SORCS1: variants seen among roughly 807,000 people sequenced by gnomAD.
SORCS1 encodes the protein VPS10 domain-containing receptor SorCS1.
In SORCS1, 60 loss-of-function variants were observed where a neutral mutation model predicts 146.1. The observed-to-expected ratio is 0.41, with a 90% CI of 0.33 to 0.51. SORCS1 has a LOEUF of 0.51. SORCS1 is among the 20% of genes least tolerant of loss of function. SORCS1 has a pLI of 0.21. For synonymous variants in SORCS1, 637 were observed against 584.0 expected (o/e 1.09, Z -1.31); for missense variants, 1,352 against 1,487.6 (o/e 0.91, Z 1.50).
At chr10:106,726,427 T>G (rs1856197422) in intron 6 of SORCS1, among the ~76,000 whole-genome samples, 1 of 150,536 alleles carries the variant, frequency 6.6e-6, no homozygotes, top group African/African-American at 2.5e-5. Context: ...ATTTCATGCT[T>G]TGTGAAAGCT....
chr10:106,962,769 T>C (rs1294019407), intron 1 of SORCS1, among the ~76,000 whole-genome samples: 1 of 152,174 alleles, frequency 6.6e-6, no homozygotes, highest in East Asian at 1.9e-4. Context: ...ATGGTCATAA[T>C]TGCTCTTGCC....
rs79353153 is a variant in SORCS1, at chr10:106,764,103, C to T, written c.886-2442G>A. ...GCTTCCATGGATTTATAACTAGAGG[C>T]GTATACCTAAAAAACAAATAAAACA... is the stretch of plus-strand genomic sequence containing the variant. On this transcript the variant is annotated intron_variant, in intron 4 of 25. Transcript: ENST00000263054. 9.2e-3 allele frequency among the ~76,000 whole-genome samples: 1,401 copies of T among 152,136 alleles called. 22 individuals carry two copies. The highest frequency in any genetic ancestry group is 0.032 in the African/African-American group (1,330 of 41,522).
chr10:106,758,580 C>T (rs1858837527), intron 5 of SORCS1, among the ~76,000 whole-genome samples: 1 of 152,172 alleles, frequency 6.6e-6, no homozygotes, highest in Non-Finnish European at 1.5e-5. Context: ...CCTTCATTTG[C>T]TTACTTTCTG....
chr10:106,998,130 T>G (rs1400374286), intron 1 of SORCS1, among the ~76,000 whole-genome samples: 1 of 152,260 alleles, frequency 6.6e-6, no homozygotes, highest in East Asian at 1.9e-4. Context: ...AAACATATTC[T>G]AATACATACA....
At chr10:106,598,692 A>AT (rs961616871) in intron 23 of SORCS1, among the ~76,000 whole-genome samples, 3 of 151,482 alleles carry the variant, frequency 2.0e-5, no homozygotes, top group Admixed American at 6.6e-5. Flanking sequence ...TAAATTCTTA[A>AT]TTTTTTTTTC....
At chr10:106,780,857 C>G (rs1035767925) in intron 3 of SORCS1, among the ~76,000 whole-genome samples, 4 of 152,154 alleles carry the variant, frequency 2.6e-5, no homozygotes, top group African/African-American at 9.7e-5. Flanking sequence ...ATCCTACCAC[C>G]CAACTCCAAG....
intron 2 of SORCS1, among the ~76,000 whole-genome samples, chr10:106,854,089 T>C (rs1412045820): frequency 2.0e-5 from 3 of 152,012 alleles, no homozygotes; most frequent in East Asian, 1.9e-4. Flanking sequence ...TCTTTACACT[T>C]GCAGTTCTAA....
At chr10:107,178,089 A>C in the SORCS1 span, among the ~76,000 whole-genome samples, 3 of 152,200 alleles carry the variant, frequency 2.0e-5, no homozygotes, top group Non-Finnish European at 4.4e-5. Context: ...TCTCTGCAGC[A>C]AATCACCATA....
At chr10:106,622,376 G>GACAGAA (rs1156965736) in intron 19 of SORCS1, among the ~76,000 whole-genome samples, 1 of 150,424 alleles carries the variant, frequency 6.6e-6, no homozygotes, top group African/African-American at 2.4e-5. Context: ...AAATTTGTGA[G>GACAGAA]ACAGAAGACA....
rs1027387698 is a variant in SORCS1, at chr10:106,795,935, G to C, written c.727-19243C>G. Among the ~76,000 whole-genome samples the C allele has an allele frequency of 5.3e-5, 8 of 152,298 alleles. No homozygotes were observed. The South Asian group carries it at 6.2e-4, about 12-fold the overall frequency. On this transcript the variant is annotated intron_variant, in intron 3 of 25. Transcript: ENST00000263054. ...ATCATGGTCAAATGCTGAGTTAGAA[G>C]AGAAAGTTTCTAGTGATCTTCCAGT...
In SORCS1 at chr10:106,848,996, T is replaced by C. The variant is rs950387871; in HGVS notation, c.627-19323A>G. 3.0e-4 allele frequency among the ~76,000 whole-genome samples: 45 copies of C among 151,270 alleles called. 1 individual carries two copies. The East Asian group carries it at 6.3e-3, about 21-fold the overall frequency. ...GCTTCCCTTTGAGGGTAACCCGACC[T>C]TTCTCTCTGACTGCCCTTAACATTT... On this transcript the variant is annotated intron_variant, in intron 2 of 25. Transcript: ENST00000263054.
intron 1 of SORCS1, among the ~76,000 whole-genome samples, chr10:107,005,398 T>C (rs1957400658): frequency 6.6e-6 from 1 of 152,160 alleles, no homozygotes; most frequent in African/African-American, 2.4e-5. Flanking sequence ...AACTAGAGAT[T>C]GTTCTAAATA....
At chr10:107,046,541 C>T (rs1959469446) in intron 1 of SORCS1, among the ~76,000 whole-genome samples, 1 of 151,972 alleles carries the variant, frequency 6.6e-6, no homozygotes, top group African/African-American at 2.4e-5. Context: ...CTACACAAAT[C>T]AACATACAAC....
At position 107,136,570 on chromosome 10, in the gene SORCS1, G is replaced by A. The variant is rs1967318882; in HGVS notation, c.558+27399C>T. On this transcript the variant is annotated intron_variant, in intron 1 of 25. Coordinates refer to ENST00000263054, the MANE Select transcript of SORCS1 (RefSeq NM_052918.5). ...TTGTCCAAAGTCACAACTGGTAAGT[G>A]AGAGGCCGAATTAACAATAATATCC... Among the ~76,000 whole-genome samples, 3 of 152,218 alleles carry A rather than the reference G, an allele frequency of 2.0e-5. No homozygotes were observed. In the South Asian group the frequency reaches 6.2e-4, roughly 32 times the overall value.
At chr10:106,679,056 A>T (rs536119858) in intron 12 of SORCS1, among the ~76,000 whole-genome samples, 200 bp downstream of exon 12, 7 of 152,326 alleles carry the variant, frequency 4.6e-5, no homozygotes, top group Admixed American at 3.3e-4. Context: ...CATCTTTATT[A>T]AATGATAAAA....
chr10:106,690,880 C>T (rs1275638609), intron 9 of SORCS1, among the ~76,000 whole-genome samples: 3 of 152,124 alleles, frequency 2.0e-5, no homozygotes, highest in Admixed American at 6.5e-5. Context: ...GTGTGTCTCA[C>T]GGAAACCCCT....
chr10:106,576,849 AGCCT>A lies in SORCS1; in HGVS notation c.*567_*570del. 1.1e-5 allele frequency: 2 copies of A among 175,944 alleles called. No homozygotes were observed. The highest frequency in any genetic ancestry group is 1.6e-4 in the East Asian group (1 of 6,096). The allele number at this position is 175,944 out of a possible 1,614,324, so 10.9% of individuals were successfully genotyped here. A position where few individuals can be genotyped will look rare whatever the true frequency, so the allele number is the denominator to read the frequency against. ...AGCTGGGGTAGCTAATCCACCCATC[AGCCT>A]TTAATGCTAAAATAGCTGATAAATC... On this transcript the variant is annotated 3_prime_UTR_variant, in exon 26 of 26. Coordinates refer to ENST00000263054, the MANE Select transcript of SORCS1 (RefSeq NM_052918.5).
chr10:106,729,210 C>A (rs1357437091), intron 6 of SORCS1, among the ~76,000 whole-genome samples: 1 of 152,204 alleles, frequency 6.6e-6, no homozygotes, highest in Non-Finnish European at 1.5e-5. Flanking sequence ...TACTTATTTA[C>A]CATATTAGCT....
At chr10:106,592,144 G>C (rs955708430) in intron 24 of SORCS1, among the ~76,000 whole-genome samples, 1 of 152,118 alleles carries the variant, frequency 6.6e-6, no homozygotes, top group Non-Finnish European at 1.5e-5. Flanking sequence ...TTCTCATACA[G>C]GTTCAAGTCT....
Sources: allele counts gnomAD v4.1 joint callset (sites outside exome capture counted in the v4.1 genomes callset), GRCh38; gene constraint gnomAD v4.1.1; transcripts MANE v1.5; gene names NCBI Gene and HGNC (gene_info 2026-07-23, HGNC 2026-07-21).